Variants in SYNPR observed in about 807,000 individuals in gnomAD.
The protein encoded by SYNPR is synaptoporin.
Under a neutral mutation model 32.9 loss-of-function variants are expected in SYNPR, and 23 were observed. The ratio of observed to expected loss-of-function variants is 0.70; its 90% CI spans 0.50 to 0.99. The LOEUF (loss-of-function observed/expected upper bound fraction) is 0.99. SYNPR is among the 50% of genes least tolerant of loss of function. The pLI, the probability that SYNPR is intolerant of heterozygous loss-of-function variation, is 0.00. For missense variants in SYNPR, 318 were observed against 349.3 expected (o/e 0.91, Z 0.71); for synonymous variants, 146 against 135.9 (o/e 1.07, Z -0.52).
At chr3:63,507,684 C>T (rs1324508478) in intron 3 of SYNPR, among the ~76,000 whole-genome samples, 2 of 152,020 alleles carry the variant, frequency 1.3e-5, no homozygotes, top group Non-Finnish European at 2.9e-5. Context: ...GTCTGTAGTT[C>T]AGTTAAAAAT....
chr3:63,306,016 C>G (rs1223730326), intron 2 of SYNPR, among the ~76,000 whole-genome samples: 1 of 152,016 alleles, frequency 6.6e-6, no homozygotes, highest in Non-Finnish European at 1.5e-5. Context: ...ACCCATCCTT[C>G]AAGGCCCAGT....
intron 2 of SYNPR, among the ~76,000 whole-genome samples, chr3:63,437,480 A>G (rs1700105241): frequency 6.6e-6 from 1 of 152,042 alleles, no homozygotes; most frequent in Non-Finnish European, 1.5e-5. Flanking sequence ...AGAGTGATTG[A>G]GGGGAGTTTT....
At chr3:63,496,309 A>G (rs1701371963) in intron 3 of SYNPR, among the ~76,000 whole-genome samples, 1 of 152,026 alleles carries the variant, frequency 6.6e-6, no homozygotes, top group Admixed American at 6.6e-5. Flanking sequence ...TTTTTATTAA[A>G]AAGAATAATT....
intron 3 of SYNPR, among the ~76,000 whole-genome samples, chr3:63,272,122 T>C (rs1382316147): frequency 6.6e-6 from 1 of 152,228 alleles, no homozygotes; most frequent in African/African-American, 2.4e-5. Context: ...TTTCCATTGC[T>C]GTCGGTCATA....
chr3:63,563,374 T>C (rs1702725007), intron 4 of SYNPR, among the ~76,000 whole-genome samples: 1 of 152,154 alleles, frequency 6.6e-6, no homozygotes, highest in African/African-American at 2.4e-5. Flanking sequence ...GGGAAGAAAA[T>C]AACAAAGAGA....
At chr3:63,439,431 A>G (rs776778362) in intron 2 of SYNPR, among the ~76,000 whole-genome samples, 33 of 152,230 alleles carry the variant, frequency 2.2e-4, no homozygotes, top group Non-Finnish European at 3.8e-4. Context: ...GTCAGTTCCA[A>G]TTCTATGATA....
rs1575690366 is a variant in SYNPR, at chr3:63,522,503, T to C, written c.210-34040T>C. Among the ~76,000 whole-genome samples, 5 of 152,240 alleles carry C rather than the reference T, an allele frequency of 3.3e-5. No homozygotes were observed. In the East Asian group the frequency reaches 9.6e-4, roughly 29 times the overall value. Reference sequence around the variant, plus strand: ...AACTACATCATATAATGATTGTTACTAATCACCATTCTTTCAAGATTGTGG... The same window carrying C: ...AACTACATCATATAATGATTGTTACCAATCACCATTCTTTCAAGATTGTGG... On this transcript the variant is annotated intron_variant, in intron 3 of 5. Transcript: ENST00000478300.
At chr3:63,607,485 C>A (rs530724015) in intron 4 of SYNPR, among the ~76,000 whole-genome samples, 13 of 152,212 alleles carry the variant, frequency 8.5e-5, no homozygotes, top group African/African-American at 3.1e-4. Context: ...CTTGTTTATA[C>A]CTCTACCTCA....
chr3:63,319,381 G>A (rs2087083579), intron 2 of SYNPR, among the ~76,000 whole-genome samples: 1 of 151,622 alleles, frequency 6.6e-6, no homozygotes, highest in African/African-American at 2.4e-5. Flanking sequence ...TTGTTTTTTT[G>A]CTTAGGATTG....
intron 4 of SYNPR, 37 bp downstream of exon 4, chr3:63,556,778 C>T (rs1156629233): frequency 3.2e-6 from 5 of 1,551,646 alleles, no homozygotes; most frequent in East Asian, 2.3e-5. Flanking sequence ...TTTTTCTGTT[C>T]CTTCTAATTT....
At chr3:63,549,861 C>A (rs1188630030) in intron 3 of SYNPR, 1 of 151,970 alleles carries the variant, frequency 6.6e-6, no homozygotes, top group African/African-American at 2.4e-5. Context: ...AAAATGGAGG[C>A]CTTTCATTGA....
chr3:63,574,698 C>T (rs910641183), intron 4 of SYNPR, among the ~76,000 whole-genome samples: 3 of 152,062 alleles, frequency 2.0e-5, no homozygotes, highest in Non-Finnish European at 4.4e-5. Flanking sequence ...GTGCAGAGAT[C>T]TTATCTTATT....
intron 2 of SYNPR, among the ~76,000 whole-genome samples, chr3:63,386,371 G>T (rs2088044864): frequency 6.6e-6 from 1 of 152,140 alleles, no homozygotes; most frequent in Admixed American, 6.5e-5. Context: ...CTGTTCTATT[G>T]CCGCCTGCCA....
intron 1 of SYNPR, among the ~76,000 whole-genome samples, chr3:63,239,186 C>T (rs1022129206): frequency 2.6e-5 from 4 of 152,024 alleles, no homozygotes; most frequent in Admixed American, 6.6e-5. Flanking sequence ...ACATTTTCAT[C>T]TAACACTCTG....
chr3:63,571,032 C>T (rs965258242), intron 4 of SYNPR, among the ~76,000 whole-genome samples: 4 of 152,114 alleles, frequency 2.6e-5, no homozygotes, highest in African/African-American at 9.7e-5. Context: ...ATTGGAGGTA[C>T]CCATCATGAC....
At chr3:63,223,028 T>C in the SYNPR span, among the ~76,000 whole-genome samples, 1 of 152,182 alleles carries the variant, frequency 6.6e-6, no homozygotes, top group African/African-American at 2.4e-5. Flanking sequence ...TGGGGTCACC[T>C]AAGTGATCTT....
At chr3:63,357,012 T>G (rs1346965330) in intron 2 of SYNPR, among the ~76,000 whole-genome samples, 1 of 152,226 alleles carries the variant, frequency 6.6e-6, no homozygotes, top group African/African-American at 2.4e-5. Flanking sequence ...ATTCCTCACA[T>G]GAAAAATGCT....
At chr3:63,584,608 A>C (rs980567529) in intron 4 of SYNPR, among the ~76,000 whole-genome samples, 2 of 152,068 alleles carry the variant, frequency 1.3e-5, no homozygotes, top group African/African-American at 2.4e-5. Context: ...GTTGGGTGCT[A>C]AGTGAGAAGC....
intron 2 of SYNPR, among the ~76,000 whole-genome samples, chr3:63,462,568 G>T (rs1469251004): frequency 1.3e-5 from 2 of 152,126 alleles, no homozygotes; most frequent in South Asian, 2.1e-4. Flanking sequence ...AATTTAGGTC[G>T]CTGAGTTATA....
Sources: gnomAD v4.1 joint callset for allele counts (sites outside exome capture counted in the v4.1 genomes callset) on GRCh38, gnomAD v4.1.1 for gene constraint, MANE v1.5 for transcripts, NCBI Gene and HGNC (gene_info 2026-07-23, HGNC 2026-07-21) for gene names.